The following GRXCR1 variants were observed in gnomAD, a reference collection of about 807,000 sequenced individuals.
GRXCR1 encodes glutaredoxin domain-containing cysteine-rich protein 1.
A neutral mutation model predicts 27.3 loss-of-function variants in GRXCR1; 27 were observed. The observed-to-expected ratio is 0.99, with a 90% CI of 0.73 to 1.37. The LOEUF is 1.37. Among genes scored for constraint, GRXCR1 ranks in the 40% most tolerant of loss-of-function variants. The pLI, the probability that GRXCR1 is intolerant of heterozygous loss-of-function variation, is 0.00. For missense variants in GRXCR1, 379 were observed against 354.4 expected (o/e 1.07, Z -0.56); for synonymous variants, 122 against 131.1 (o/e 0.93, Z 0.47).
At chr4:42,937,128 T>C (rs918941640) in intron 1 of GRXCR1, among the ~76,000 whole-genome samples, 5 of 151,956 alleles carry the variant, frequency 3.3e-5, no homozygotes, top group African/African-American at 1.2e-4. Context: ...TATTCAATCA[T>C]TTATGTATAT....
At chr4:43,001,224 A>G (rs920181227) in intron 2 of GRXCR1, among the ~76,000 whole-genome samples, 11 of 152,152 alleles carry the variant, frequency 7.2e-5, no homozygotes, top group African/African-American at 2.6e-4. Flanking sequence ...TGTATGCAGT[A>G]AAATATAAAA....
At chr4:42,991,782 A>G (rs576575654) in intron 2 of GRXCR1, among the ~76,000 whole-genome samples, 1 of 152,250 alleles carries the variant, frequency 6.6e-6, no homozygotes, top group East Asian at 1.9e-4. Context: ...GCAGTTAAAA[A>G]GTAAGTTTTT....
At chr4:42,976,260 G>T (rs558171469) in intron 2 of GRXCR1, among the ~76,000 whole-genome samples, 4 of 152,138 alleles carry the variant, frequency 2.6e-5, no homozygotes, top group African/African-American at 9.6e-5. Context: ...CTTAGAACAT[G>T]CAATCTGGTA....
chr4:42,893,770 G>C lies in GRXCR1; in HGVS notation c.384+120G>C, dbSNP rs1287884458. On this transcript the variant is annotated intron_variant, in intron 1 of 3. Transcript: ENST00000399770. Reference sequence around the variant, plus strand: ...GCAACTCCTACATGCTTCATGAGACGCTCCTCCACCTAAGATACTGTCCTA... The same window carrying C: ...GCAACTCCTACATGCTTCATGAGACCCTCCTCCACCTAAGATACTGTCCTA... The C allele has an allele frequency of 3.2e-6, 3 of 934,134 alleles. No homozygotes were observed. In the African/African-American group the frequency reaches 4.8e-5, roughly 15 times the overall value. 57.9% of individuals were successfully genotyped at this position (934,134 alleles called of 1,614,324 possible).
intron 2 of GRXCR1, among the ~76,000 whole-genome samples, chr4:42,994,682 C>T (rs1000272368): frequency 2.6e-5 from 4 of 152,060 alleles, no homozygotes; most frequent in African/African-American, 9.7e-5. Context: ...CTGAGAATAC[C>T]TAGTAAAGTA....
intron 2 of GRXCR1, among the ~76,000 whole-genome samples, chr4:42,963,546 G>A (rs1360249089): frequency 6.6e-6 from 1 of 151,990 alleles, no homozygotes; most frequent in East Asian, 1.9e-4. Context: ...TAAGATGATA[G>A]TCCTGAAATG....
Position 42,929,587 on chromosome 4 carries a change from G to A in GRXCR1, c.385-33305G>A, listed in dbSNP as rs532223029. Among the ~76,000 whole-genome samples the A allele has an allele frequency of 3.3e-3, 507 of 152,014 alleles. 1 individual carries two copies. Among genetic ancestry groups the A allele is most frequent in the African/African-American group, 0.011 (472 of 41,490 alleles). On this transcript the variant is annotated intron_variant, in intron 1 of 3. Transcript: ENST00000399770. Reference sequence around the variant, plus strand: ...TATTTGGGGAGGATTTGGAGGTTGGGTCTGTGTTTGTGTGGGTGGGGGAAG... The same window carrying A: ...TATTTGGGGAGGATTTGGAGGTTGGATCTGTGTTTGTGTGGGTGGGGGAAG...
intron 1 of GRXCR1, among the ~76,000 whole-genome samples, chr4:42,909,380 C>T (rs1013576619): frequency 3.3e-5 from 5 of 152,076 alleles, no homozygotes; most frequent in East Asian, 3.9e-4. Flanking sequence ...TTAGTTTACC[C>T]GCACATCTCT....
At chr4:43,003,100 G>C (rs1425165464) in intron 2 of GRXCR1, among the ~76,000 whole-genome samples, 9 of 152,132 alleles carry the variant, frequency 5.9e-5, no homozygotes, top group African/African-American at 2.2e-4. Flanking sequence ...TGTCATGATT[G>C]TAAGTTTTTT....
At chr4:42,999,000 A>G (rs1712264615) in intron 2 of GRXCR1, among the ~76,000 whole-genome samples, 1 of 152,248 alleles carries the variant, frequency 6.6e-6, no homozygotes, top group Non-Finnish European at 1.5e-5. Context: ...AATAGAACTT[A>G]GGAAGAAATG....
chr4:42,895,311 C>T (rs1257756371), intron 1 of GRXCR1, among the ~76,000 whole-genome samples: 2 of 152,080 alleles, frequency 1.3e-5, no homozygotes, highest in Middle Eastern at 3.2e-3. Flanking sequence ...CCCCATTCCA[C>T]GTATTCCCTG....
chr4:42,936,344 T>C (rs1187682132), intron 1 of GRXCR1, among the ~76,000 whole-genome samples: 1 of 151,930 alleles, frequency 6.6e-6, no homozygotes, highest in Non-Finnish European at 1.5e-5. Flanking sequence ...TATAGTAAGC[T>C]GTTAAGATTT....
chr4:43,021,095 A>G (rs2109807488), intron 3 of GRXCR1, among the ~76,000 whole-genome samples: 1 of 152,304 alleles, frequency 6.6e-6, no homozygotes, highest in Admixed American at 6.5e-5. Flanking sequence ...AATAGGTCAT[A>G]TGGTTATCCA....
intron 1 of GRXCR1, among the ~76,000 whole-genome samples, chr4:42,911,433 C>A (rs1746720688): frequency 6.6e-6 from 1 of 151,954 alleles, no homozygotes; most frequent in Non-Finnish European, 1.5e-5. Flanking sequence ...ACACATGTAT[C>A]AAACGATGAA....
At chr4:42,900,723 A>G (rs1746441991) in intron 1 of GRXCR1, among the ~76,000 whole-genome samples, 1 of 152,120 alleles carries the variant, frequency 6.6e-6, no homozygotes, top group Non-Finnish European at 1.5e-5. Flanking sequence ...TACCAAATGA[A>G]TGGAGACTAA....
chr4:42,917,795 A>C (rs1317416663), intron 1 of GRXCR1, among the ~76,000 whole-genome samples: 1 of 152,132 alleles, frequency 6.6e-6, no homozygotes, highest in Admixed American at 6.6e-5. Context: ...ATTAGAGGAC[A>C]AGATAAAAAT....
At chr4:42,926,126 A>T (rs1053197776) in intron 1 of GRXCR1, among the ~76,000 whole-genome samples, 2 of 152,028 alleles carry the variant, frequency 1.3e-5, no homozygotes, top group Non-Finnish European at 2.9e-5. Context: ...TGAGTGCACA[A>T]TGATTCTGAG....
chr4:42,908,085 T>G (rs1746638022), intron 1 of GRXCR1, among the ~76,000 whole-genome samples: 1 of 152,210 alleles, frequency 6.6e-6, no homozygotes, highest in Admixed American at 6.5e-5. Flanking sequence ...ACCTTCGAGA[T>G]GCTACTCTAA....
intron 2 of GRXCR1, among the ~76,000 whole-genome samples, chr4:43,013,061 G>A (rs1253685500): frequency 6.6e-6 from 1 of 152,174 alleles, no homozygotes; most frequent in Non-Finnish European, 1.5e-5. Flanking sequence ...GGGAATGCTT[G>A]TATTACCATT....
Sources: allele counts gnomAD v4.1 joint callset (sites outside exome capture counted in the v4.1 genomes callset), GRCh38; gene constraint gnomAD v4.1.1; transcripts MANE v1.5; gene names NCBI Gene and HGNC (gene_info 2026-07-23, HGNC 2026-07-21).